ADK: variants seen among roughly 807,000 people sequenced by gnomAD.
ADK encodes adenosine kinase.
In ADK, 24 loss-of-function variants were observed where a neutral mutation model predicts 44.7. The ratio of observed to expected loss-of-function variants is 0.54; its 90% CI spans 0.39 to 0.76. The LOEUF (loss-of-function observed/expected upper bound fraction) is 0.76. Ranked by LOEUF, ADK falls within the 30% of genes least tolerant of loss-of-function variation. The probability of loss-of-function intolerance (pLI) is 0.00; values close to 1 mark genes in which losing one functional copy is unlikely to be tolerated. For missense variants in ADK, 321 were observed against 425.1 expected (o/e 0.76, Z 2.15); for synonymous variants, 128 against 142.6 (o/e 0.90, Z 0.73).
At chr10:74,320,285 T>C (rs535808275) in intron 4 of ADK, among the ~76,000 whole-genome samples, 2 of 152,292 alleles carry the variant, frequency 1.3e-5, no homozygotes, top group East Asian at 3.9e-4. Context: ...ATATGTCAAC[T>C]CACTGCTTTT....
intron 6 of ADK, among the ~76,000 whole-genome samples, chr10:74,439,737 G>A (rs1564723159): frequency 1.3e-5 from 2 of 151,538 alleles, no homozygotes; most frequent in Non-Finnish European, 3.0e-5. Context: ...AACATTCTAG[G>A]GATATCACAT....
At chr10:74,658,970 C>T (rs537963096) in intron 9 of ADK, among the ~76,000 whole-genome samples, 3 of 152,068 alleles carry the variant, frequency 2.0e-5, no homozygotes, top group East Asian at 1.9e-4. Context: ...AATCCCAGTA[C>T]TTCGGGAAGC....
At chr10:74,182,347 T>TTTTTATTTA (rs1191288411) in intron 1 of ADK, among the ~76,000 whole-genome samples, 2 of 144,760 alleles carry the variant, frequency 1.4e-5, no homozygotes, top group Non-Finnish European at 3.0e-5. Flanking sequence ...AACAGAAATC[T>TTTTTATTTA]TTTTATTTAT....
intron 8 of ADK, among the ~76,000 whole-genome samples, chr10:74,595,268 G>A (rs1851864518): frequency 6.8e-6 from 1 of 146,394 alleles, no homozygotes; most frequent in South Asian, 2.1e-4. Context: ...AGCTCTCTAT[G>A]TCTGGTGCTC....
At chr10:74,368,165 A>G (rs1350458379) in intron 4 of ADK, among the ~76,000 whole-genome samples, 1 of 152,198 alleles carries the variant, frequency 6.6e-6, no homozygotes, top group African/African-American at 2.4e-5. Flanking sequence ...CCTGTTGTCT[A>G]GGTTGGAGTA....
chr10:74,689,437 A>G (rs1855907022), intron 10 of ADK, among the ~76,000 whole-genome samples: 1 of 152,166 alleles, frequency 6.6e-6, no homozygotes. Context: ...GCAGTAACAT[A>G]CAGGTCAGAG....
At chr10:74,578,390 T>C (rs913221284) in intron 7 of ADK, among the ~76,000 whole-genome samples, 2 of 152,182 alleles carry the variant, frequency 1.3e-5, no homozygotes, top group African/African-American at 4.8e-5. Flanking sequence ...TCAAAAGATA[T>C]ACATTTTACT....
At chr10:74,511,001 C>T (rs1848297497) in intron 6 of ADK, among the ~76,000 whole-genome samples, 1 of 152,194 alleles carries the variant, frequency 6.6e-6, no homozygotes, top group Non-Finnish European at 1.5e-5. Context: ...AGCCACCATG[C>T]CCAGCCTCTT....
At chr10:74,582,620 A>G (rs1589270144) in intron 7 of ADK, among the ~76,000 whole-genome samples, 1 of 152,084 alleles carries the variant, frequency 6.6e-6, no homozygotes, top group South Asian at 2.1e-4. Context: ...ACTGCACTTT[A>G]TTTTTTTGCC....
intron 6 of ADK, among the ~76,000 whole-genome samples, chr10:74,481,458 GT>G (rs905054181): frequency 9.9e-5 from 15 of 151,968 alleles, no homozygotes; most frequent in African/African-American, 3.6e-4. Flanking sequence ...TTTTATCAGT[GT>G]TTTTTTCTCC....
chr10:74,493,550 A>G (rs555588750), intron 6 of ADK, among the ~76,000 whole-genome samples: 1 of 151,326 alleles, frequency 6.6e-6, no homozygotes, highest in South Asian at 2.1e-4. Flanking sequence ...ATAGATATAT[A>G]TCTCATCTGT....
chr10:74,622,006 C>T (rs1187102299), intron 9 of ADK, among the ~76,000 whole-genome samples: 1 of 152,208 alleles, frequency 6.6e-6, no homozygotes, highest in Non-Finnish European at 1.5e-5. Context: ...CTAGCACAAT[C>T]ACCACTCTGC....
At chr10:74,177,982 C>G (rs1021148712) in intron 1 of ADK, among the ~76,000 whole-genome samples, 1 of 139,298 alleles carries the variant, frequency 7.2e-6, no homozygotes, top group African/African-American at 2.6e-5. Context: ...GCTCTTGTTG[C>G]CCAGGCTGGA....
chr10:74,352,046 C>T (rs571078395), intron 4 of ADK, among the ~76,000 whole-genome samples: 171 of 151,422 alleles, frequency 1.1e-3, no homozygotes, highest in African/African-American at 3.5e-3. Context: ...TGACTTTCTT[C>T]GCAGAGTTAA....
chr10:74,670,213 A>T lies in ADK; in HGVS notation c.908A>T (p.Asp303Val), dbSNP rs1855118633. ...GAAGTCACTGCTTTTGCTGTCTTGG[A>T]TCAAGACCAGAAAGAAATTATTGAT... ...ESEVTAFAVL[D>V]QDQKEIIDTN... is the part of the protein sequence containing the mutation. Residue 303 changes from aspartate (D) to valine (V), a missense_variant, in exon 10 of 11, where the codon GAT becomes GTT. Physicochemically the swap from Asp to Val is radical, Grantham distance 152 (BLOSUM62 -3). Transcript: ENST00000539909. The T allele has an allele frequency of 6.2e-7, 1 of 1,613,960 alleles. No homozygotes were observed. Among genetic ancestry groups the T allele is most frequent in the Non-Finnish European group, 8.5e-7 (1 of 1,179,904 alleles).
chr10:74,510,757 C>T (rs955006523), intron 6 of ADK, among the ~76,000 whole-genome samples: 1 of 152,130 alleles, frequency 6.6e-6, no homozygotes, highest in Non-Finnish European at 1.5e-5. Flanking sequence ...ACCCAGGCTG[C>T]AGTGCAGTGG....
Position 74,320,084 on chromosome 10 carries a change from G to T in ADK, c.273+5339G>T, listed in dbSNP as rs115014949. Among the ~76,000 whole-genome samples, 148 of 152,140 alleles carry T rather than the reference G, an allele frequency of 9.7e-4. 1 individual carries two copies. Among genetic ancestry groups the T allele is most frequent in the African/African-American group, 3.4e-3 (142 of 41,504 alleles). ...TCTTTACTTCTTCATATGGCTTCTG[G>T]TTACTATCAAATGTCCTTTCATTTC... On this transcript the variant is annotated intron_variant, in intron 4 of 10. Coordinates refer to ENST00000539909, the MANE Select transcript of ADK (RefSeq NM_006721.4).
intron 6 of ADK, among the ~76,000 whole-genome samples, chr10:74,431,100 C>T (rs1226337633): frequency 6.7e-6 from 1 of 149,480 alleles, no homozygotes; most frequent in Non-Finnish European, 1.5e-5. Context: ...AAGAGGCTGC[C>T]CATGTGAGAG....
chr10:74,518,775 A>G (rs1848696227), intron 6 of ADK, among the ~76,000 whole-genome samples: 1 of 152,142 alleles, frequency 6.6e-6, no homozygotes, highest in Non-Finnish European at 1.5e-5. Context: ...ATTATCCACA[A>G]TTTTTGTACC....
Sources: gnomAD v4.1 joint callset for allele counts (sites outside exome capture counted in the v4.1 genomes callset) on GRCh38, gnomAD v4.1.1 for gene constraint, MANE v1.5 for transcripts, NCBI Gene and HGNC (gene_info 2026-07-23, HGNC 2026-07-21) for gene names.